RANBP2: variants seen among roughly 807,000 people sequenced by gnomAD.
RANBP2 encodes the protein E3 SUMO-protein ligase RanBP2.
Under a neutral mutation model 303.6 loss-of-function variants are expected in RANBP2, and 57 were observed. The observed-to-expected ratio is 0.19, with a 90% CI of 0.15 to 0.23. RANBP2 has a LOEUF of 0.23. RANBP2 is among the 10% of genes least tolerant of loss of function. The pLI is 1.00. For synonymous variants in RANBP2, 1,167 were observed against 1,301.5 expected, an observed-to-expected ratio of 0.90 and a Z score of 2.23; for missense variants, 3,138 against 3,780.8, an observed-to-expected ratio of 0.83 and a Z score of 4.46.
At chr2:108,812,778 A>G in the RANBP2 span, 6 of 1,611,514 alleles carry the variant, frequency 3.7e-6, no homozygotes, top group Non-Finnish European at 5.1e-6. Flanking sequence ...TTACTCATTT[A>G]GATACAATTG....
the RANBP2 span, among the ~76,000 whole-genome samples, chr2:109,373,478 A>G: frequency 2.0e-5 from 3 of 152,280 alleles, no homozygotes; most frequent in African/African-American, 7.2e-5. Context: ...CCCACCATGC[A>G]TGTGAACAAA....
At chr2:109,063,781 G>GGGGTAA in the RANBP2 span, among the ~76,000 whole-genome samples, 1 of 151,354 alleles carries the variant, frequency 6.6e-6, no homozygotes, top group Non-Finnish European at 1.5e-5. Context: ...CTGGCCAAAA[G>GGGGTAA]GGGTAACTGC....
chr2:109,348,216 C>A, the RANBP2 span, among the ~76,000 whole-genome samples: 1 of 152,184 alleles, frequency 6.6e-6, no homozygotes, highest in Non-Finnish European at 1.5e-5. Context: ...ATAATATAAG[C>A]CTCCATCAGC....
the RANBP2 span, among the ~76,000 whole-genome samples, chr2:109,232,708 AGCATCAT>A: frequency 6.6e-6 from 1 of 152,204 alleles, no homozygotes; most frequent in Non-Finnish European, 1.5e-5. Context: ...GTGGATAGGA[AGCATCAT>A]GGTGATGGAA....
At chr2:109,328,300 T>G in the RANBP2 span, among the ~76,000 whole-genome samples, 134 of 152,346 alleles carry the variant, frequency 8.8e-4, no homozygotes, top group Middle Eastern at 3.4e-3. Context: ...TCTTACTTCT[T>G]TCTATTTCTG....
chr2:109,130,888 TAC>T, the RANBP2 span, among the ~76,000 whole-genome samples: 2 of 152,186 alleles, frequency 1.3e-5, no homozygotes, highest in African/African-American at 2.4e-5. Context: ...AGCTTCTTAT[TAC>T]ACACCCTTGC....
At chr2:109,067,540 G>A in the RANBP2 span, among the ~76,000 whole-genome samples, 136 of 152,298 alleles carry the variant, frequency 8.9e-4, no homozygotes, top group African/African-American at 3.2e-3. Context: ...ACCGCTCTGC[G>A]TCTTGAAGTC....
the RANBP2 span, among the ~76,000 whole-genome samples, chr2:109,400,168 A>G: frequency 6.6e-6 from 1 of 152,186 alleles, no homozygotes; most frequent in East Asian, 1.9e-4. Flanking sequence ...GGGCCATGTA[A>G]TCTAGATGTG....
the RANBP2 span, among the ~76,000 whole-genome samples, chr2:109,033,955 C>G: frequency 1.9e-5 from 2 of 106,888 alleles, no homozygotes; most frequent in Admixed American, 1.0e-4. Flanking sequence ...ACCCTGACTC[C>G]AAAAAAAAAA....
the RANBP2 span, chr2:109,585,448 C>T: frequency 2.6e-6 from 2 of 779,886 alleles, no homozygotes; most frequent in Admixed American, 5.8e-5. Context: ...GAAAGAAATA[C>T]ACACTACGGC....
At chr2:109,216,842 A>G in the RANBP2 span, among the ~76,000 whole-genome samples, 16 of 152,348 alleles carry the variant, frequency 1.1e-4, no homozygotes, top group African/African-American at 2.2e-4. Flanking sequence ...GTTCAGTGGC[A>G]TTAAGCACAT....
the RANBP2 span, among the ~76,000 whole-genome samples, chr2:109,028,720 C>T: frequency 6.6e-6 from 1 of 152,048 alleles, no homozygotes; most frequent in Non-Finnish European, 1.5e-5. Flanking sequence ...GGTTCTTGCC[C>T]TTCCCCCACA....
chr2:109,104,267 A>G, the RANBP2 span, among the ~76,000 whole-genome samples: 1 of 152,112 alleles, frequency 6.6e-6, no homozygotes, highest in Non-Finnish European at 1.5e-5. Context: ...TATTGCTACA[A>G]AATCTGTTGT....
the RANBP2 span, among the ~76,000 whole-genome samples, chr2:109,106,558 C>A: frequency 6.6e-6 from 1 of 152,184 alleles, no homozygotes; most frequent in South Asian, 2.1e-4. Context: ...TAATCCTGGC[C>A]GGGTGCGGTG....
chr2:108,929,573 G>A, the RANBP2 span, among the ~76,000 whole-genome samples: 6 of 152,110 alleles, frequency 3.9e-5, no homozygotes, highest in African/African-American at 7.2e-5. Context: ...CCCTCTCCTC[G>A]CCACTCTCAG....
the RANBP2 span, chr2:108,798,692 T>G: frequency 1.3e-6 from 1 of 751,280 alleles, no homozygotes; most frequent in South Asian, 1.9e-5. Flanking sequence ...CTTCCCTTCC[T>G]CCTCCTCTCC....
At chr2:108,977,560 G>A in the RANBP2 span, among the ~76,000 whole-genome samples, 2 of 152,254 alleles carry the variant, frequency 1.3e-5, no homozygotes, top group South Asian at 4.1e-4. Flanking sequence ...GTGAGCCACC[G>A]AGCCTGGCCA....
the RANBP2 span, among the ~76,000 whole-genome samples, chr2:109,539,870 C>T: frequency 1.3e-5 from 2 of 152,176 alleles, no homozygotes; most frequent in Non-Finnish European, 2.9e-5. Flanking sequence ...TTTGCATGCA[C>T]CAGTAGCTTG....
chr2:108,773,804 G>A (rs1009216405), intron 23 of RANBP2, among the ~76,000 whole-genome samples: 19 of 151,992 alleles, frequency 1.3e-4, no homozygotes, highest in African/African-American at 4.4e-4. Flanking sequence ...GCGCCACCAC[G>A]CCCAGCTAAT....
Sources: allele counts gnomAD v4.1 joint callset (sites outside exome capture counted in the v4.1 genomes callset), GRCh38; gene constraint gnomAD v4.1.1; transcripts MANE v1.5; gene names NCBI Gene and HGNC (gene_info 2026-07-23, HGNC 2026-07-21).